The following LAMA5 variants were observed in gnomAD, a reference collection of about 807,000 sequenced individuals.
The protein encoded by LAMA5 is laminin subunit alpha 5.
Under a neutral mutation model 433.4 loss-of-function variants are expected in LAMA5, and 260 were observed. The observed-to-expected ratio is 0.60, with a 90% CI of 0.54 to 0.66. The LOEUF (loss-of-function observed/expected upper bound fraction) is 0.66. LAMA5 is among the 30% of genes least tolerant of loss of function. The pLI is 0.00. For synonymous variants in LAMA5, 2,620 were observed against 2,226.6 expected (o/e 1.18, Z -4.97); for missense variants, 5,378 against 5,258.5 (o/e 1.02, Z -0.70).
At chr20:62,321,166 G>T in intron 48 of LAMA5, among the ~76,000 whole-genome samples, 1 of 139,040 alleles carries the variant, frequency 7.2e-6, no homozygotes, top group Non-Finnish European at 1.6e-5. Flanking sequence ...AAGGGGCGGG[G>T]CCGGTGGAGG....
intron 40 of LAMA5, chr20:62,326,416 C>T (rs963852704): frequency 2.3e-6 from 1 of 441,398 alleles, no homozygotes; most frequent in South Asian, 4.3e-5. Flanking sequence ...AGGAAGCCAA[C>T]AGCTACTGAG....
chr20:62,337,856 G>A lies in LAMA5; in HGVS notation c.1974C>T (p.Gly658=). 1.2e-6 allele frequency: 2 copies of A among 1,612,748 alleles called. No individual in the cohort carries two copies. The highest frequency in any genetic ancestry group is 1.3e-5 in the African/African-American group (1 of 75,064). ...CGGGGCTGCATTCCTGGCAGGCAGT[G>A]CCTGTGTAGCCGGGGCGGCAGCGGC... ...GLCRCRPGYT[G]TACQECSPGF... The change falls in exon 15 of 80, where the codon GGC becomes GGT. Residue 658 remains glycine, a synonymous_variant. Transcript: ENST00000252999.
At chr20:62,314,990 C>T (rs764207903) in intron 59 of LAMA5, 38 bp downstream of exon 59, 17 of 1,576,966 alleles carry the variant, frequency 1.1e-5, no homozygotes, top group Middle Eastern at 1.7e-4. Flanking sequence ...CCACCGTGCC[C>T]GCCTCCATCA....
intron 6 of LAMA5, among the ~76,000 whole-genome samples, chr20:62,349,099 T>C (rs1364346558): frequency 1.3e-5 from 2 of 151,200 alleles, no homozygotes; most frequent in Non-Finnish European, 3.0e-5. Context: ...GAAACCCCGT[T>C]TCTACTAAAA....
chr20:62,321,294 G>A, intron 48 of LAMA5, among the ~76,000 whole-genome samples: 1 of 98,560 alleles, frequency 1.0e-5, no homozygotes, highest in African/African-American at 4.4e-5. Flanking sequence ...GCCGGTGGAG[G>A]AAGAGGGGGC....
chr20:62,330,477 C>T lies in LAMA5; in HGVS notation c.3979+11G>A. 6.5e-7 allele frequency: 1 copy of T among 1,537,014 alleles called. No homozygotes were observed. Among genetic ancestry groups the T allele is most frequent in the South Asian group, 1.2e-5 (1 of 82,072 alleles). On this transcript the variant is annotated intron_variant, in intron 31 of 79. Coordinates refer to ENST00000252999, the MANE Select transcript of LAMA5 (RefSeq NM_005560.6). ...GTGGTAGCCTCTCCACCCCCCACACCAGACACTCACCCTGCCACACGCGGC... is the reference window on the plus strand; with the variant it reads ...GTGGTAGCCTCTCCACCCCCCACACTAGACACTCACCCTGCCACACGCGGC...
intron 38 of LAMA5, 43 bp downstream of exon 38, chr20:62,327,190 G>A: frequency 6.9e-7 from 1 of 1,452,970 alleles, no homozygotes; most frequent in Admixed American, 2.7e-5. Context: ...AGGCGTCCTG[G>A]CCATCCTCAA....
rs768034895 is a variant in LAMA5, at chr20:62,336,441, T to C, written c.2222A>G (p.Gln741Arg). 16 of 1,611,526 alleles carry C rather than the reference T, an allele frequency of 9.9e-6. No homozygotes were observed. Among genetic ancestry groups the C allele is most frequent in the Admixed American group, 1.7e-5 (1 of 59,876 alleles). The stretch of plus-strand genomic sequence containing the variant: ...GTGAGCCCGGCACATACAGGGAACC[T>C]GTGCCTGGGAGAGGACAAGACTGCA... ...APVDPALPEA[Q>R]VPCMCRAHVE... The change falls in exon 18 of 80, where the codon CAG (glutamine) becomes CGG (arginine). Residue 741 changes from glutamine to arginine, a missense_variant. Gln to Arg is a conservative substitution (Grantham distance 43). Transcript: ENST00000252999.
rs1203907657 is a variant in LAMA5 at position 62,310,886 on chromosome 20, T to TC, written c.10281+15dup. On this transcript the variant is annotated intron_variant, in intron 74 of 79. Coordinates refer to ENST00000252999, the MANE Select transcript of LAMA5 (RefSeq NM_005560.6). The stretch of plus-strand genomic sequence containing the variant: ...GCCAGGCCCTGCCCACCACCTTCCT[T>TC]CTTCTCGGCCCTCACCTTGTGCCAG... 1.2e-6 allele frequency: 2 copies of TC among 1,608,314 alleles called. No homozygotes were observed. Among genetic ancestry groups the TC allele is most frequent in the Non-Finnish European group, 1.7e-6 (2 of 1,178,368 alleles).
In LAMA5 at chr20:62,319,671, G is replaced by A. The variant is rs1267191938; in HGVS notation, c.6871+13C>T. 8.5e-6 allele frequency: 13 copies of A among 1,527,986 alleles called. No homozygotes were observed. Among genetic ancestry groups the A allele is most frequent in the Non-Finnish European group, 1.1e-5 (13 of 1,136,042 alleles). The allele number at this position is 1,527,986 out of a possible 1,614,324, so 94.7% of individuals were successfully genotyped here. A position where few individuals can be genotyped will look rare whatever the true frequency, so the allele number is the denominator to read the frequency against. On this transcript the variant is annotated intron_variant, in intron 51 of 79. Coordinates refer to ENST00000252999, the MANE Select transcript of LAMA5 (RefSeq NM_005560.6). ...TGGCTCTGAGCCCTGAGCCTGGCTG[G>A]GCTGGCCCCTACCGCTCAGGGTGCG... is the stretch of plus-strand genomic sequence containing the variant.
rs74992645 is a variant in LAMA5 at position 62,336,933 on chromosome 20, C to T, written c.2165-147G>A. On this transcript the variant is annotated intron_variant, in intron 16 of 79. Transcript: ENST00000252999. The stretch of plus-strand genomic sequence containing the variant: ...CATCCACATGGACGGCCTGAAAACA[C>T]GCACCTCCCTGCTCCCTCCGCAGCA... 5,402 of 760,864 alleles carry T rather than the reference C, an allele frequency of 7.1e-3. 205 individuals are homozygous for T. The African/African-American group carries it at 0.078, about 11-fold the overall frequency. 47.1% of individuals were successfully genotyped at this position (760,864 alleles called of 1,614,324 possible). A position where few individuals can be genotyped will look rare whatever the true frequency, so the allele number is the denominator to read the frequency against.
At position 62,317,162 on chromosome 20, in the gene LAMA5, G is replaced by A. The variant is rs929054308; in HGVS notation, c.7512-139C>T. The A allele has an allele frequency of 3.8e-5, 45 of 1,193,858 alleles. No individual in the cohort carries two copies. In the South Asian group the frequency reaches 4.2e-4, roughly 11 times the overall value. 74.0% of individuals were successfully genotyped at this position (1,193,858 alleles called of 1,614,324 possible). A position where few individuals can be genotyped will look rare whatever the true frequency, so the allele number is the denominator to read the frequency against. Reference sequence around the variant, plus strand: ...CTCCAGGTCTTTGCCCGTGCCTGTCGCCTGCTGGGTGTACTGCTCCTGTCA... The same window carrying A: ...CTCCAGGTCTTTGCCCGTGCCTGTCACCTGCTGGGTGTACTGCTCCTGTCA... On this transcript the variant is annotated intron_variant, in intron 55 of 79. Transcript: ENST00000252999.
rs971896544 is a variant in LAMA5, at chr20:62,311,513, A to G, written c.9830T>C (p.Phe3277Ser). ...GCTGCCCAGGTTCTGCTGCAGATCA[A>G]ATACGCGCTGTGGGCCCAGGAGCCT... ...VQRLLGPQRVFDLQQNLGSVN... is the reference protein window; with the variant it reads ...VQRLLGPQRVSDLQQNLGSVN... Residue 3277 changes from phenylalanine to serine, a missense_variant, in exon 72 of 80, where the codon TTT becomes TCT. Physicochemically the swap from Phe to Ser is radical, Grantham distance 155. Coordinates refer to ENST00000252999, the MANE Select transcript of LAMA5 (RefSeq NM_005560.6). 1.9e-6 allele frequency: 3 copies of G among 1,611,152 alleles called. No homozygotes were observed. The highest frequency in any genetic ancestry group is 2.5e-6 in the Non-Finnish European group (3 of 1,179,186).
At chr20:62,320,508 G>C in intron 50 of LAMA5, 51 bp downstream of exon 50, 1 of 1,390,616 alleles carries the variant, frequency 7.2e-7, no homozygotes, top group Non-Finnish European at 9.9e-7. Context: ...CGAACCGCGG[G>C]GAACACAGGT....
In LAMA5 at chr20:62,338,461, G is replaced by T; in HGVS notation, c.1618+7C>A. The stretch of plus-strand genomic sequence containing the variant: ...AGGTAGAGGTTGAGCGGGGAGAGGG[G>T]ACTCACGCTGGCAGCCGGGGCCGTA... On this transcript the variant is annotated splice_region_variant and intron_variant, in intron 12 of 79. Coordinates refer to ENST00000252999, the MANE Select transcript of LAMA5 (RefSeq NM_005560.6). 6.2e-7 allele frequency: 1 copy of T among 1,608,070 alleles called. No individual in the cohort carries two copies. The highest frequency in any genetic ancestry group is 1.1e-5 in the South Asian group (1 of 90,076).
At chr20:62,341,517 A>G (rs533626374) in intron 11 of LAMA5, among the ~76,000 whole-genome samples, 167 of 152,304 alleles carry the variant, frequency 1.1e-3, no homozygotes, top group Admixed American at 3.1e-3. Flanking sequence ...ACATCCATCA[A>G]TCGTCACAAC....
At position 62,334,534 on chromosome 20, in the gene LAMA5, G is replaced by C; in HGVS notation, c.2570C>G (p.Pro857Arg). ...VCRCRPNTQG[P>R]TCSEPARDHY... Reference sequence around the variant, plus strand: ...AAGGGGTACCCACTCGCTGCAGGTGGGGCCCTGGGTGTTGGGGCGGCACCG... The same window carrying C: ...AAGGGGTACCCACTCGCTGCAGGTGCGGCCCTGGGTGTTGGGGCGGCACCG... Residue 857 changes from proline to arginine, a missense_variant, in exon 21 of 80, where the codon CCC becomes CGC. Physicochemically the swap from Pro to Arg is moderately radical, Grantham distance 103 (BLOSUM62 -2). Transcript: ENST00000252999. 6.5e-7 allele frequency: 1 copy of C among 1,548,416 alleles called. No individual in the cohort carries two copies. The highest frequency in any genetic ancestry group is 8.7e-7 in the Non-Finnish European group (1 of 1,146,662).
intron 34 of LAMA5, 83 bp downstream of exon 34, chr20:62,328,761 A>G: frequency 7.4e-7 from 1 of 1,352,850 alleles, no homozygotes; most frequent in Middle Eastern, 2.4e-4. Context: ...CATTCTCCTG[A>G]CCCTGCTTTC....
chr20:62,352,058 C>T lies in LAMA5; in HGVS notation c.709G>A (p.Gly237Arg), dbSNP rs368292918. Reference sequence around the variant, plus strand: ...GAGAAATTCATGGCGCCCGGACGTCCGTTCACCAGGGACACCACGATCTGT... The same window carrying T: ...GAGAAATTCATGGCGCCCGGACGTCTGTTCACCAGGGACACCACGATCTGT... ...NGEIVVSLVN[G>R]RPGAMNFSYS... Residue 237 changes from glycine to arginine, a missense_variant, in exon 5 of 80, where the codon GGA becomes AGA. Coordinates refer to ENST00000252999, the MANE Select transcript of LAMA5 (RefSeq NM_005560.6). 9.3e-6 allele frequency: 15 copies of T among 1,611,958 alleles called. No individual in the cohort carries two copies. Among genetic ancestry groups the T allele is most frequent in the East Asian group, 4.5e-5 (2 of 44,888 alleles).
Sources: gnomAD v4.1 joint callset for allele counts (sites outside exome capture counted in the v4.1 genomes callset) on GRCh38, gnomAD v4.1.1 for gene constraint, MANE v1.5 for transcripts, NCBI Gene and HGNC (gene_info 2026-07-23, HGNC 2026-07-21) for gene names.